DNAH1: variants seen among roughly 807,000 people sequenced by gnomAD.
The protein encoded by DNAH1 is dynein axonemal heavy chain 1.
Under a neutral mutation model 484.3 loss-of-function variants are expected in DNAH1, and 327 were observed. The ratio of observed to expected loss-of-function variants is 0.68; its 90% confidence interval spans 0.62 to 0.74. The LOEUF (loss-of-function observed/expected upper bound fraction) is 0.74, where lower values mean the gene tolerates loss of function less well. Ranked by LOEUF, DNAH1 falls within the 30% of genes least tolerant of loss-of-function variation. The pLI, the probability that DNAH1 is intolerant of heterozygous loss-of-function variation, is 0.00. For synonymous variants in DNAH1, 2,192 were observed against 2,191.9 expected, an observed-to-expected ratio of 1.00 and a Z score of 0.00; for missense variants, 5,052 against 5,546.8, an observed-to-expected ratio of 0.91 and a Z score of 2.83.
intron 12 of DNAH1, 47 bp from the exon 13 acceptor site, chr3:52,348,841 C>T (rs1373791547): frequency 3.1e-6 from 5 of 1,590,276 alleles, no homozygotes; most frequent in East Asian, 4.5e-5. Flanking sequence ...GCTCATTCAC[C>T]CCCTGGCTCA....
intron 8 of DNAH1, among the ~76,000 whole-genome samples, chr3:52,343,099 G>A (rs1478853908): frequency 1.3e-5 from 2 of 152,222 alleles, no homozygotes; most frequent in African/African-American, 4.8e-5. Flanking sequence ...GGGAGCCACT[G>A]TGCCAAGTCT....
rs1702495754 is a variant in DNAH1, at chr3:52,353,730, G to T, written c.3480+97G>T. 5 of 1,505,418 alleles carry T rather than the reference G, an allele frequency of 3.3e-6. No individual in the cohort carries two copies. Among genetic ancestry groups the T allele is most frequent in the Non-Finnish European group, 4.5e-6 (5 of 1,119,846 alleles). The allele number at this position is 1,505,418 out of a possible 1,614,324, so 93.3% of individuals were successfully genotyped here. ...ACCACAGCCACTTGGGAGGATGACA[G>T]TAATAAGCCCCATCCCTGGGGTCAT... On this transcript the variant is annotated intron_variant, in intron 20 of 77. Transcript: ENST00000420323. The surrounding 1 kb of genome is among the most constrained non-coding windows in gnomAD (Gnocchi z 5.0).
intron 8 of DNAH1, among the ~76,000 whole-genome samples, chr3:52,341,724 A>G (rs147227647): frequency 7.6e-4 from 115 of 152,136 alleles, no homozygotes; most frequent in African/African-American, 2.7e-3. Flanking sequence ...ACTGGCTTGG[A>G]CTAGCTGAGA....
intron 14 of DNAH1, 62 bp from the exon 15 acceptor site, chr3:52,349,927 G>T: frequency 6.5e-7 from 1 of 1,542,540 alleles, no homozygotes; most frequent in Non-Finnish European, 8.8e-7. Context: ...AGGAGGAAGA[G>T]CAGGTGAGGG....
Position 52,380,010 on chromosome 3 carries a change from C to T in DNAH1, c.7483C>T (p.Arg2495Cys), listed in dbSNP as rs545683519. The change falls in exon 48 of 78, where the codon CGC (arginine) becomes TGC (cysteine). Residue 2495 changes from arginine (R) to cysteine (C), a missense_variant. Transcript: ENST00000420323. ...DRSWFDQLLK[R>C]CMEQWEVTFN... is the part of the protein sequence containing the mutation. ...CAGCTGGTTCGACCAGCTCCTCAAGCGCTGCATGGAGCAGTGGGAGGTGAC... is the reference window on the plus strand; with the variant it reads ...CAGCTGGTTCGACCAGCTCCTCAAGTGCTGCATGGAGCAGTGGGAGGTGAC... 1.7e-5 allele frequency: 27 copies of T among 1,593,754 alleles called. No individual in the cohort carries two copies. The highest frequency in any genetic ancestry group is 7.0e-5 in the Admixed American group (4 of 56,996).
At position 52,326,197 on chromosome 3, in the gene DNAH1, G is replaced by A. The variant is rs1701332127; in HGVS notation, c.464G>A (p.Gly155Glu). ...FQERMEQQCIGSTTRLLAQTD... is the reference protein window; with the variant it reads ...FQERMEQQCIESTTRLLAQTD... ...GAGCGCATGGAGCAGCAGTGCATCG[G>A]GTCCACCACCCGGCTGCTCGCCCAG... Residue 155 changes from glycine (G) to glutamate (E), a missense_variant, in exon 4 of 78, where the codon GGG (glycine) becomes GAG (glutamate). Physicochemically the swap from Gly to Glu is moderately conservative, Grantham distance 98 (BLOSUM62 -2). Transcript: ENST00000420323. 6.2e-7 allele frequency: 1 copy of A among 1,612,794 alleles called. No homozygotes were observed. Among genetic ancestry groups the A allele is most frequent in the African/African-American group, 1.3e-5 (1 of 74,926 alleles).
intron 44 of DNAH1, chr3:52,373,976 T>G: frequency 8.4e-7 from 1 of 1,184,182 alleles, no homozygotes; most frequent in Non-Finnish European, 1.2e-6. Flanking sequence ...TATTTATGAA[T>G]TTTTCTTAAG....
chr3:52,332,180 C>T lies in DNAH1; in HGVS notation c.1072C>T (p.Arg358Trp), dbSNP rs763243743. 27 of 1,585,724 alleles carry T rather than the reference C, an allele frequency of 1.7e-5. No individual in the cohort carries two copies. The highest frequency in any genetic ancestry group is 1.7e-4 in the Middle Eastern group (1 of 6,056). ...TCAGGTCTGTCAGTACTGGGTGCCA[C>T]GGATCCAGCTTCTCTTCTGCGCTGA... is the stretch of plus-strand genomic sequence containing the variant. The part of the protein sequence containing the change: ...PLQVCQYWVP[R>W]IQLLFCAEDP... Residue 358 changes from arginine to tryptophan, a missense_variant, in exon 8 of 78, where the codon CGG becomes TGG. By Grantham distance (101) the Arg-to-Trp change is moderately radical. Transcript: ENST00000420323.
rs1703008171 is a variant in DNAH1 at position 52,364,896 on chromosome 3, A to G, written c.5395A>G (p.Lys1799Glu). The change falls in exon 34 of 78, where the codon AAG (lysine) becomes GAG (glutamate). Residue 1799 changes from lysine (K) to glutamate (E), a missense_variant. Lys to Glu is a moderately conservative substitution (Grantham distance 56). Coordinates refer to ENST00000420323, the MANE Select transcript of DNAH1 (RefSeq NM_015512.5). This position sits in a 1 kb window ranked among gnomAD's most constrained non-coding sequence, Gnocchi z 4.2. ...GCCCAAGTTCCTGCAGGAGGACCTCAAGCTCTTCTCTGGCATCGTGTCCGA... is the reference window on the plus strand; with the variant it reads ...GCCCAAGTTCCTGCAGGAGGACCTCGAGCTCTTCTCTGGCATCGTGTCCGA... ...NVPKFLQEDL[K>E]LFSGIVSDLF... 1 of 1,613,958 alleles carries G rather than the reference A, an allele frequency of 6.2e-7. No individual in the cohort carries two copies. The highest frequency in any genetic ancestry group is 1.3e-5 in the African/African-American group (1 of 75,020).
chr3:52,367,825 G>C (rs1302333657), intron 36 of DNAH1, among the ~76,000 whole-genome samples: 1 of 152,168 alleles, frequency 6.6e-6, no homozygotes, highest in Non-Finnish European at 1.5e-5. Flanking sequence ...TGCCCGCCTT[G>C]GCCTCCCAAA....
Position 52,372,923 on chromosome 3 carries a change from G to T in DNAH1, c.6855G>T (p.Leu2285=). The part of the protein sequence containing the change: ...KRRKGVFGPP[L]GRNFIFFIDD... ...GGAAGGGTGTGTTTGGACCACCTCTGGGGCGCAACTTTATCTTCTTCATCG... is the reference window on the plus strand; with the variant it reads ...GGAAGGGTGTGTTTGGACCACCTCTTGGGCGCAACTTTATCTTCTTCATCG... Residue 2285 remains leucine, a synonymous_variant, in exon 44 of 78, where the codon CTG becomes CTT. Coordinates refer to ENST00000420323, the MANE Select transcript of DNAH1 (RefSeq NM_015512.5). The T allele has an allele frequency of 6.2e-7, 1 of 1,613,618 alleles. No individual in the cohort carries two copies. Among genetic ancestry groups the T allele is most frequent in the Non-Finnish European group, 8.5e-7 (1 of 1,179,744 alleles).
Position 52,368,747 on chromosome 3 carries a change from C to T in DNAH1, c.5772C>T (p.Asp1924=), listed in dbSNP as rs187752630. 191 of 1,613,314 alleles carry T rather than the reference C, an allele frequency of 1.2e-4. No individual in the cohort carries two copies. Among genetic ancestry groups the T allele is most frequent in the Admixed American group, 3.3e-4 (20 of 60,020 alleles). ...EFDLLTHEWT[D]GIFSSFIRAG... The stretch of plus-strand genomic sequence containing the variant: ...CTCCTCCCTGGCGCTGCAGGACAGA[C>T]GGGATATTCTCCTCGTTCATCCGGG... Residue 1924 remains aspartate, a synonymous_variant, in exon 37 of 78, where the codon GAC becomes GAT. Coordinates refer to ENST00000420323, the MANE Select transcript of DNAH1 (RefSeq NM_015512.5). This position sits in a 1 kb window ranked among gnomAD's most constrained non-coding sequence, Gnocchi z 4.4.
chr3:52,372,268 C>A lies in DNAH1; in HGVS notation c.6708C>A (p.Thr2236=), dbSNP rs760148909. 3 of 1,613,966 alleles carry A rather than the reference C, an allele frequency of 1.9e-6. No individual in the cohort carries two copies. Among genetic ancestry groups the A allele is most frequent in the South Asian group, 2.2e-5 (2 of 91,086 alleles). The part of the protein sequence containing the change: ...IGPTGTGKTL[T]ISDKLLKNLA... ...CAACAGGCACGGGGAAGACGCTCAC[C>A]ATCTCTGACAAGCTCCTCAAGAACC... Residue 2236 remains threonine (T), a synonymous_variant, in exon 43 of 78, where the codon ACC becomes ACA. Transcript: ENST00000420323.
intron 5 of DNAH1, 37 bp from the exon 6 acceptor site, chr3:52,327,845 A>T: frequency 6.2e-7 from 1 of 1,607,878 alleles, no homozygotes; most frequent in Admixed American, 1.7e-5. Context: ...CCACTAGAGG[A>T]GCTGCTTCTT....
Position 52,386,267 on chromosome 3 carries a change from G to A in DNAH1, c.8733G>A (p.Lys2911=). Residue 2911 remains lysine, a synonymous_variant, in exon 55 of 78, where the codon AAG becomes AAA. Coordinates refer to ENST00000420323, the MANE Select transcript of DNAH1 (RefSeq NM_015512.5). ...AAGCTATTGCTGACGATGCCCAGAA[G>A]GACCTGGACGAGGCGTTGCCAGCCC... ...KAQAIADDAQ[K]DLDEALPALD... 1 of 1,611,710 alleles carries A rather than the reference G, an allele frequency of 6.2e-7. No individual in the cohort carries two copies. Among genetic ancestry groups the A allele is most frequent in the Middle Eastern group, 1.7e-4 (1 of 6,060 alleles).
chr3:52,373,581 G>A, intron 44 of DNAH1: 3 of 1,476,210 alleles, frequency 2.0e-6, no homozygotes, highest in Non-Finnish European at 2.8e-6. Flanking sequence ...AGTGAAGAAA[G>A]ACAAACAGCA....
chr3:52,349,900 G>T, intron 14 of DNAH1, 89 bp from the exon 15 acceptor site: 1 of 1,501,096 alleles, frequency 6.7e-7, no homozygotes, highest in Non-Finnish European at 9.0e-7. Flanking sequence ...TTACCTGTCG[G>T]GAGATGCTGG....
rs949772690 is a variant in DNAH1, at chr3:52,368,396, A to G, written c.5766-345A>G. The stretch of plus-strand genomic sequence containing the variant: ...AGGCAGGACCTGGCCACTTCTCACC[A>G]CGCTGCTTTCTCTGCCCTGTCATTT... On this transcript the variant is annotated intron_variant, in intron 36 of 77. Coordinates refer to ENST00000420323, the MANE Select transcript of DNAH1 (RefSeq NM_015512.5). This position sits in a 1 kb window ranked among gnomAD's most constrained non-coding sequence, Gnocchi z 4.4. Among the ~76,000 whole-genome samples, 2 of 151,952 alleles carry G rather than the reference A, an allele frequency of 1.3e-5. No homozygotes were observed. The highest frequency in any genetic ancestry group is 4.8e-5 in the African/African-American group (2 of 41,336).
chr3:52,392,645 A>T lies in DNAH1; in HGVS notation c.10234A>T (p.Ile3412Phe), dbSNP rs772030262. 6.2e-7 allele frequency: 1 copy of T among 1,611,398 alleles called. No individual in the cohort carries two copies. The highest frequency in any genetic ancestry group is 1.1e-5 in the South Asian group (1 of 90,630). Reference sequence around the variant, plus strand: ...CAACCCTGTAGATGACATGGAACTCATCAAGGTGCTGGAAGCCTCCAAGAT... The same window carrying T: ...CAACCCTGTAGATGACATGGAACTCTTCAAGGTGCTGGAAGCCTCCAAGAT... ...EGNPVDDMEL[I>F]KVLEASKMKA... is the part of the protein sequence containing the mutation. Residue 3412 changes from isoleucine to phenylalanine, a missense_variant, in exon 64 of 78, where the codon ATC (isoleucine) becomes TTC (phenylalanine). Ile to Phe is a conservative substitution (Grantham distance 21, BLOSUM62 0). Transcript: ENST00000420323.
Sources: gnomAD v4.1 joint callset for allele counts (sites outside exome capture counted in the v4.1 genomes callset) on GRCh38, gnomAD v4.1.1 for gene constraint, Gnocchi (gnomAD v3.1) non-coding constraint, MANE v1.5 for transcripts, NCBI Gene and HGNC (gene_info 2026-07-23, HGNC 2026-07-21) for gene names.